The following GPC5 variants were observed in gnomAD, a reference collection of about 807,000 sequenced individuals.
GPC5 encodes the protein glypican-5.
GPC5 carries 47 observed loss-of-function variants against 53.9 expected under a neutral mutation model. The ratio of observed to expected loss-of-function variants is 0.87; its 90% CI spans 0.69 to 1.11. The LOEUF (loss-of-function observed/expected upper bound fraction) is 1.11. GPC5 is among the 50% of genes most tolerant of loss of function. The pLI is 0.00. For missense variants in GPC5, 748 were observed against 713.1 expected (o/e 1.05, Z -0.56); for synonymous variants, 286 against 263.3 (o/e 1.09, Z -0.84).
chr13:91,896,409 G>T (rs569891836), intron 5 of GPC5, among the ~76,000 whole-genome samples: 4 of 152,110 alleles, frequency 2.6e-5, no homozygotes, highest in East Asian at 3.9e-4. Context: ...ATGAGCCACC[G>T]CACTGGCCCC....
intron 2 of GPC5, among the ~76,000 whole-genome samples, chr13:91,545,180 C>CTCT (rs1432690225): frequency 2.0e-5 from 3 of 152,160 alleles, no homozygotes; most frequent in African/African-American, 7.2e-5. Context: ...GAGGATTAGT[C>CTCT]TCTACCTTTG....
intron 7 of GPC5, among the ~76,000 whole-genome samples, chr13:92,730,136 A>G (rs977784876): frequency 2.0e-5 from 3 of 151,436 alleles, no homozygotes; most frequent in African/African-American, 7.3e-5. Flanking sequence ...GAAAGAAAGG[A>G]CACACTACTT....
At chr13:92,517,642 A>G (rs563131620) in intron 7 of GPC5, among the ~76,000 whole-genome samples, 1 of 152,328 alleles carries the variant, frequency 6.6e-6, no homozygotes, top group Non-Finnish European at 1.5e-5. Context: ...AGGAAAACTA[A>G]CAAACAGAAA....
chr13:92,699,677 C>T (rs1358872937), intron 7 of GPC5, among the ~76,000 whole-genome samples: 3 of 152,200 alleles, frequency 2.0e-5, no homozygotes, highest in East Asian at 1.9e-4. Context: ...GCCTTCATTT[C>T]GTTATTTTCC....
At chr13:92,522,470 G>A (rs1881098513) in intron 7 of GPC5, among the ~76,000 whole-genome samples, 1 of 152,082 alleles carries the variant, frequency 6.6e-6, no homozygotes, top group Admixed American at 6.6e-5. Flanking sequence ...CCTGTGTAGG[G>A]GCATGGATGA....
intron 2 of GPC5, among the ~76,000 whole-genome samples, chr13:91,574,309 AT>A (rs1184975703): frequency 6.6e-6 from 1 of 152,134 alleles, no homozygotes; most frequent in Non-Finnish European, 1.5e-5. Context: ...TTTGGTTTCC[AT>A]GTTGTAAGAT....
chr13:91,571,850 T>C (rs375058317), intron 2 of GPC5, among the ~76,000 whole-genome samples: 1,777 of 70,232 alleles, frequency 0.025, 271 homozygotes, highest in African/African-American at 0.1. Flanking sequence ...TGTGTGTATA[T>C]ACACATATAC....
chr13:91,616,168 A>G (rs1594335783), intron 2 of GPC5, among the ~76,000 whole-genome samples: 1 of 152,154 alleles, frequency 6.6e-6, no homozygotes, highest in African/African-American at 2.4e-5. Context: ...TGAATGAGCA[A>G]CTTACTATTT....
At chr13:91,783,051 G>A (rs1026715340) in intron 5 of GPC5, among the ~76,000 whole-genome samples, 19 of 151,430 alleles carry the variant, frequency 1.3e-4, no homozygotes, top group Middle Eastern at 3.4e-3. Context: ...TCAAGAGTTC[G>A]AGACCACCCT....
chr13:91,582,076 A>T (rs1349923224), intron 2 of GPC5, among the ~76,000 whole-genome samples: 20 of 152,110 alleles, frequency 1.3e-4, no homozygotes, highest in Admixed American at 6.5e-4. Context: ...GGTGTAGACA[A>T]AATGTCTACA....
rs192980711 is a variant in GPC5, at chr13:91,491,743, C to G, written c.325+42821C>G. On this transcript the variant is annotated intron_variant, in intron 2 of 7. Coordinates refer to ENST00000377067, the MANE Select transcript of GPC5 (RefSeq NM_004466.6). ...GACTGGGCATCCCCAGTCTCTGCCT[C>G]TGTCTTCACATCTTCTTTGTGTGGG... 3.3e-5 allele frequency among the ~76,000 whole-genome samples: 5 copies of G among 152,266 alleles called. No homozygotes were observed. In the East Asian group the frequency reaches 7.7e-4, roughly 24 times the overall value.
intron 2 of GPC5, among the ~76,000 whole-genome samples, chr13:91,613,805 T>C (rs573053862): frequency 6.6e-6 from 1 of 152,298 alleles, no homozygotes; most frequent in East Asian, 1.9e-4. Context: ...ATTATCACCA[T>C]ATTCATGGTT....
intron 6 of GPC5, among the ~76,000 whole-genome samples, chr13:92,044,163 CT>C (rs1313925938): frequency 1.3e-5 from 2 of 152,284 alleles, no homozygotes; most frequent in African/African-American, 4.8e-5. Context: ...AAAATCTATA[CT>C]TTGTCACCTA....
intron 6 of GPC5, among the ~76,000 whole-genome samples, chr13:92,124,854 G>A (rs2041681846): frequency 6.6e-6 from 1 of 152,184 alleles, no homozygotes; most frequent in African/African-American, 2.4e-5. Context: ...GGTGGGATGG[G>A]TGGCTTCTGA....
At chr13:91,978,237 C>T (rs889981701) in intron 6 of GPC5, among the ~76,000 whole-genome samples, 2 of 152,206 alleles carry the variant, frequency 1.3e-5, no homozygotes, top group African/African-American at 4.8e-5. Context: ...TCAACATCAG[C>T]ATGTTCGGAT....
chr13:92,359,971 G>T (rs933783546), intron 7 of GPC5, among the ~76,000 whole-genome samples: 4 of 151,564 alleles, frequency 2.6e-5, no homozygotes, highest in African/African-American at 9.8e-5. Context: ...ATAGGTGCTG[G>T]ATATTAGACC....
chr13:92,706,606 G>A (rs1056671297), intron 7 of GPC5, among the ~76,000 whole-genome samples: 10 of 151,950 alleles, frequency 6.6e-5, no homozygotes, highest in African/African-American at 1.9e-4. Context: ...CCCTTACTCT[G>A]CCTGCTCCTG....
intron 7 of GPC5, among the ~76,000 whole-genome samples, chr13:92,839,778 T>G (rs964837257): frequency 6.6e-6 from 1 of 151,990 alleles, no homozygotes; most frequent in Non-Finnish European, 1.5e-5. Flanking sequence ...ACTACTCAAA[T>G]AAACGCAATC....
At chr13:91,449,205 C>G (rs1881015287) in intron 2 of GPC5, among the ~76,000 whole-genome samples, 1 of 152,046 alleles carries the variant, frequency 6.6e-6, no homozygotes, top group Non-Finnish European at 1.5e-5. Flanking sequence ...TGCCAACATT[C>G]TGACTCATAG....
Sources: allele counts gnomAD v4.1 joint callset (sites outside exome capture counted in the v4.1 genomes callset), GRCh38; gene constraint gnomAD v4.1.1; transcripts MANE v1.5; gene names NCBI Gene and HGNC (gene_info 2026-07-23, HGNC 2026-07-21).